APC: variants seen among roughly 807,000 people sequenced by gnomAD.
APC encodes APC regulator of Wnt signaling pathway, also known as adenomatous polyposis coli protein.
APC carries 72 observed loss-of-function variants against 247.0 expected under a neutral mutation model. The ratio of observed to expected loss-of-function variants is 0.29; its 90% CI spans 0.24 to 0.35. The LOEUF (loss-of-function observed/expected upper bound fraction) is 0.35. APC is among the 10% of genes least tolerant of loss of function. The pLI is 1.00. For synonymous variants in APC, 1,254 were observed against 1,162.5 expected, an observed-to-expected ratio of 1.08 and a Z score of -1.60; for missense variants, 3,400 against 3,360.7, an observed-to-expected ratio of 1.01 and a Z score of -0.29.
upstream of APC, among the ~76,000 whole-genome samples, chr5:112,736,597 C>T (rs1393041008): frequency 1.3e-5 from 2 of 152,012 alleles, no homozygotes; most frequent in Non-Finnish European, 2.9e-5. Context: ...AATTAAGAAA[C>T]GATTATAATA....
intron 1 of APC, among the ~76,000 whole-genome samples, chr5:112,749,871 G>C (rs1219670469): frequency 6.7e-6 from 1 of 149,596 alleles, no homozygotes; most frequent in Non-Finnish European, 1.5e-5. Context: ...AATATGTTTG[G>C]AGGTTGTTTT....
intron 4 of APC, among the ~76,000 whole-genome samples, chr5:112,769,435 A>C (rs1208343677): frequency 6.6e-6 from 1 of 152,182 alleles, no homozygotes; most frequent in African/African-American, 2.4e-5. Context: ...TTTCACAGCT[A>C]GTGTATTAAT....
chr5:112,758,805 G>A (rs1050479340), intron 2 of APC, among the ~76,000 whole-genome samples: 1 of 151,712 alleles, frequency 6.6e-6, no homozygotes, highest in Non-Finnish European at 1.5e-5. Context: ...GTTTTGCCAT[G>A]TTTGCCAGGC....
rs769483181 is a variant in APC, at chr5:112,839,802, G to C, written c.4208G>C (p.Ser1403Thr). The change falls in exon 16 of 16, where the codon AGC becomes ACC. Residue 1403 changes from serine to threonine, a missense_variant. Around this residue, in one of 9 missense-constraint regions of APC, gnomAD observed 40 missense variants for 75.6 expected, o/e 0.53. Coordinates refer to ENST00000257430, the MANE Select transcript of APC (RefSeq NM_000038.6). This position sits in a 1 kb window ranked among gnomAD's most constrained non-coding sequence, Gnocchi z 5.0. ...LDSFESRSIA[S>T]SVQSEPCSGM... ...AGTTTTGAGAGTCGTTCGATTGCCA[G>C]CTCCGTTCAGAGTGAACCATGCAGT... The C allele has an allele frequency of 6.2e-7, 1 of 1,614,138 alleles. No individual in the cohort carries two copies. Among genetic ancestry groups the C allele is most frequent in the Non-Finnish European group, 8.5e-7 (1 of 1,180,016 alleles).
In APC at chr5:112,754,904, C is replaced by A. The variant is rs373718658; in HGVS notation, c.14C>A (p.Ser5Ter). The A allele has an allele frequency of 6.2e-7, 1 of 1,613,726 alleles. No homozygotes were observed. Among genetic ancestry groups the A allele is most frequent in the African/African-American group, 1.3e-5 (1 of 75,012 alleles). Residue 5 changes from serine (S) to a stop codon, truncating the protein, a stop_gained, in exon 2 of 16, where the codon TCA (serine) becomes TAA (stop). Transcript: ENST00000257430. LOFTEE classifies it high-confidence loss of function. MAAA[S>*]YDQLLKQVEA... ...GGGTAGCCAAGGATGGCTGCAGCTT[C>A]ATATGATCAGTTGTTAAAGCAAGTT...
At chr5:112,775,224 A>G (rs1285877969) in intron 4 of APC, among the ~76,000 whole-genome samples, 3 of 152,026 alleles carry the variant, frequency 2.0e-5, no homozygotes, top group South Asian at 2.1e-4. Context: ...ATAGCTTCTT[A>G]TATTCTGGGT....
rs1766556638 is a variant in APC, at chr5:112,843,343, A to G, written c.7749A>G (p.Lys2583=). 1 of 1,614,014 alleles carries G rather than the reference A, an allele frequency of 6.2e-7. No individual in the cohort carries two copies. The highest frequency in any genetic ancestry group is 8.5e-7 in the Non-Finnish European group (1 of 1,179,916). ...ILSASSESSE[K]AKSEDEKHVN... ...CTGCTTCATCAGAATCCAGTGAAAA[A>G]GCAAAAAGTGAGGATGAAAAACATG... Residue 2583 remains lysine, a synonymous_variant, in exon 16 of 16, where the codon AAA becomes AAG. Coordinates refer to ENST00000257430, the MANE Select transcript of APC (RefSeq NM_000038.6). The surrounding 1 kb of genome is among the most constrained non-coding windows in gnomAD (Gnocchi z 4.8).
At chr5:112,799,335 A>G (rs1008677838) in intron 7 of APC, among the ~76,000 whole-genome samples, 12 of 152,076 alleles carry the variant, frequency 7.9e-5, no homozygotes, top group African/African-American at 2.7e-4. Context: ...TGTGAGGAGT[A>G]GCACCATCAT....
intron 1 of APC, among the ~76,000 whole-genome samples, chr5:112,726,470 C>T (rs1211825191): frequency 6.6e-6 from 1 of 152,196 alleles, no homozygotes; most frequent in East Asian, 1.9e-4. Context: ...CTTTTCTCTG[C>T]TGTGCTGTTT....
At chr5:112,821,408 G>A (rs1181263697) in intron 10 of APC, among the ~76,000 whole-genome samples, 1 of 152,030 alleles carries the variant, frequency 6.6e-6, no homozygotes, top group Non-Finnish European at 1.5e-5. Context: ...TCCGGAAGCT[G>A]AGGCAGGAAG....
At chr5:112,811,694 G>A (rs552125687) in intron 8 of APC, among the ~76,000 whole-genome samples, 7 of 152,158 alleles carry the variant, frequency 4.6e-5, no homozygotes, top group Non-Finnish European at 8.8e-5. Flanking sequence ...GTGGAAACAG[G>A]TTTTCCCTTG....
intron 9 of APC, among the ~76,000 whole-genome samples, chr5:112,817,774 A>G (rs1256126947): frequency 1.3e-5 from 2 of 152,176 alleles, no homozygotes; most frequent in Non-Finnish European, 2.9e-5. Context: ...TTAGGTAGGT[A>G]AATTTCTCCA....
intron 9 of APC, 31 bp downstream of exon 9, chr5:112,815,624 A>G (rs770391596): frequency 6.5e-7 from 1 of 1,540,310 alleles, no homozygotes; most frequent in Non-Finnish European, 9.0e-7. Flanking sequence ...CTGGTCACTA[A>G]TGCCATGACT....
At chr5:112,708,027 C>T in intron 1 of APC, 1 of 854,672 alleles carries the variant, frequency 1.2e-6, no homozygotes, top group South Asian at 2.1e-5. Flanking sequence ...CCCGCACTCC[C>T]CATTCAGGCC....
At chr5:112,773,866 A>C (rs1757311809) in intron 4 of APC, among the ~76,000 whole-genome samples, 1 of 152,218 alleles carries the variant, frequency 6.6e-6, no homozygotes, top group Non-Finnish European at 1.5e-5. Context: ...AAAATGTTTA[A>C]TCTCACTCAT....
intron 8 of APC, among the ~76,000 whole-genome samples, chr5:112,805,236 T>C (rs1219808491): frequency 6.6e-6 from 1 of 152,200 alleles, no homozygotes; most frequent in Non-Finnish European, 1.5e-5. Context: ...ATTTTCATTT[T>C]GGGAAAATAG....
At chr5:112,709,769 G>A (rs1184200776) in intron 1 of APC, among the ~76,000 whole-genome samples, 1 of 152,122 alleles carries the variant, frequency 6.6e-6, no homozygotes, top group East Asian at 1.9e-4. Flanking sequence ...GCCAGGCATG[G>A]TGGTGCATGC....
intron 7 of APC, among the ~76,000 whole-genome samples, chr5:112,795,756 T>C (rs1760151011): frequency 1.3e-5 from 2 of 152,238 alleles, no homozygotes; most frequent in Admixed American, 6.5e-5. Context: ...GTTTTTCTCA[T>C]GCACCCTTTT....
rs1765168531 is a variant in APC, at chr5:112,837,981, A to T, written c.2387A>T (p.Tyr796Phe). 6.2e-7 allele frequency: 1 copy of T among 1,614,174 alleles called. No homozygotes were observed. Among genetic ancestry groups the T allele is most frequent in the South Asian group, 1.1e-5 (1 of 91,086 alleles). Residue 796 changes from tyrosine to phenylalanine, a missense_variant, in exon 16 of 16, where the codon TAT (tyrosine) becomes TTT (phenylalanine). Tyr to Phe is a conservative substitution (Grantham distance 22). Transcript: ENST00000257430. ...AAGCAGAGACACAAGCAAAGTCTCT[A>T]TGGTGATTATGTTTTTGACACCAAT... ...RSKQRHKQSLYGDYVFDTNRH... is the reference protein window; with the variant it reads ...RSKQRHKQSLFGDYVFDTNRH...
Sources: allele counts gnomAD v4.1 joint callset (sites outside exome capture counted in the v4.1 genomes callset), GRCh38; gene constraint gnomAD v4.1.1; regional missense constraint gnomAD v4.1.1; non-coding constraint Gnocchi (gnomAD v3.1); transcripts MANE v1.5; gene names NCBI Gene and HGNC (gene_info 2026-07-23, HGNC 2026-07-21).